Variants in R3HDM1 observed in about 807,000 individuals in gnomAD.
R3HDM1 encodes the protein R3H domain-containing protein 1.
R3HDM1 carries 46 observed loss-of-function variants against 141.1 expected under a neutral mutation model. The observed-to-expected ratio is 0.33, with a 90% CI of 0.26 to 0.42. The LOEUF is 0.42. Among genes scored for constraint, R3HDM1 ranks in the 10% least tolerant of loss-of-function variants. The pLI, the probability that R3HDM1 is intolerant of heterozygous loss-of-function variation, is 1.00. For missense variants in R3HDM1, 1,184 were observed against 1,368.3 expected, an observed-to-expected ratio of 0.87 and a Z score of 2.12; for synonymous variants, 435 against 472.9, an observed-to-expected ratio of 0.92 and a Z score of 1.04.
chr2:135,659,221 C>T (rs998153247), intron 18 of R3HDM1, among the ~76,000 whole-genome samples: 1 of 152,046 alleles, frequency 6.6e-6, no homozygotes, highest in East Asian at 1.9e-4. Flanking sequence ...CCTCAGCCCC[C>T]CAAGTAGCTG....
At chr2:135,709,135 G>A (rs13017421) in intron 21 of R3HDM1, among the ~76,000 whole-genome samples, 6 of 151,600 alleles carry the variant, frequency 4.0e-5, no homozygotes, top group African/African-American at 7.3e-5. Context: ...GTGCAGTGGC[G>A]CAATCTCGGC....
At chr2:135,703,152 T>C (rs779261761) in intron 21 of R3HDM1, among the ~76,000 whole-genome samples, 3 of 152,226 alleles carry the variant, frequency 2.0e-5, no homozygotes, top group Non-Finnish European at 4.4e-5. Flanking sequence ...AAATATATAA[T>C]GTAGACTCTT....
At chr2:135,574,062 T>A (rs1295350235) in intron 1 of R3HDM1, among the ~76,000 whole-genome samples, 1 of 151,952 alleles carries the variant, frequency 6.6e-6, no homozygotes, top group Non-Finnish European at 1.5e-5. Flanking sequence ...AAACAAGACC[T>A]AACAAATCTG....
At position 135,651,175 on chromosome 2, in the gene R3HDM1, T is replaced by C. The variant is rs1219015316; in HGVS notation, c.1726-555T>C. ...AAACACAAGGGAAGAATGGAATGTA[T>C]GGCCAAATTATTTTTGAAAGATTAG... On this transcript the variant is annotated intron_variant, in intron 17 of 26. Coordinates refer to ENST00000683871, the MANE Select transcript of R3HDM1 (RefSeq NM_001378107.1). The C allele has an allele frequency of 6.1e-6, 6 of 985,154 alleles. No homozygotes were observed. The African/African-American group carries it at 1.0e-4, about 17-fold the overall frequency. The allele number at this position is 985,154 out of a possible 1,614,324, so 61.0% of individuals were successfully genotyped here.
At chr2:135,583,372 T>G (rs1393917979) in intron 1 of R3HDM1, among the ~76,000 whole-genome samples, 1 of 152,226 alleles carries the variant, frequency 6.6e-6, no homozygotes, top group African/African-American at 2.4e-5. Context: ...TTTTTTTCCC[T>G]GTTGCATTAT....
intron 21 of R3HDM1, among the ~76,000 whole-genome samples, chr2:135,680,720 A>T (rs2070141085): frequency 6.6e-6 from 1 of 152,236 alleles, no homozygotes; most frequent in African/African-American, 2.4e-5. Context: ...TAGTGAACCA[A>T]GATTGCGCCG....
chr2:135,597,066 T>G lies in R3HDM1; in HGVS notation c.-249-5434T>G, dbSNP rs185415195. The G allele has an allele frequency of 8.5e-5, 84 of 982,704 alleles. No homozygotes were observed. The African/African-American group carries it at 1.4e-3, about 17-fold the overall frequency. The allele number at this position is 982,704 out of a possible 1,614,324, so 60.9% of individuals were successfully genotyped here. ...CAGCACATTCGTGTAACACCTTGCC[T>G]CTCCATATAACTTTTTCCCTAAAAG... On this transcript the variant is annotated intron_variant, in intron 1 of 26. Coordinates refer to ENST00000683871, the MANE Select transcript of R3HDM1 (RefSeq NM_001378107.1).
At chr2:135,622,008 A>G (rs2061553808) in intron 6 of R3HDM1, 3 of 984,002 alleles carry the variant, frequency 3.0e-6, no homozygotes, top group Admixed American at 6.2e-5. Flanking sequence ...TTTATTTTTT[A>G]TAAGTTTGGA....
intron 16 of R3HDM1, among the ~76,000 whole-genome samples, chr2:135,647,333 A>G (rs1380394617): frequency 6.6e-6 from 1 of 152,206 alleles, no homozygotes; most frequent in East Asian, 1.9e-4. Flanking sequence ...CATGTATTTT[A>G]CCAGGAGCTT....
chr2:135,663,987 T>C (rs1311256486), intron 19 of R3HDM1, among the ~76,000 whole-genome samples: 1 of 141,812 alleles, frequency 7.1e-6, no homozygotes, highest in East Asian at 2.1e-4. Flanking sequence ...TGAGCTGAGA[T>C]GGCGCCACTG....
intron 1 of R3HDM1, among the ~76,000 whole-genome samples, chr2:135,546,669 GT>G (rs200729698): frequency 0.028 from 4,186 of 152,170 alleles, 85 homozygotes; most frequent in South Asian, 0.044. Flanking sequence ...TGTGATTTTA[GT>G]TTTTGTCTTA....
intron 5 of R3HDM1, among the ~76,000 whole-genome samples, chr2:135,617,754 G>A (rs1057180141): frequency 7.2e-5 from 11 of 152,042 alleles, no homozygotes; most frequent in Admixed American, 2.0e-4. Flanking sequence ...ACTTTGCCTA[G>A]TGGCTAGTTG....
intron 21 of R3HDM1, among the ~76,000 whole-genome samples, chr2:135,681,988 GT>G (rs1330133224): frequency 6.6e-6 from 1 of 150,906 alleles, no homozygotes; most frequent in Non-Finnish European, 1.5e-5. Context: ...TTTCGCATTT[GT>G]TGTGTGAGTT....
chr2:135,628,686 G>A (rs538928590), intron 7 of R3HDM1, among the ~76,000 whole-genome samples: 1 of 152,236 alleles, frequency 6.6e-6, no homozygotes, highest in East Asian at 1.9e-4. Flanking sequence ...GAGTGCAATG[G>A]CACAATCTCG....
At chr2:135,549,570 A>AAAC (rs893353358) in intron 1 of R3HDM1, among the ~76,000 whole-genome samples, 2 of 151,064 alleles carry the variant, frequency 1.3e-5, no homozygotes, top group African/African-American at 4.9e-5. Context: ...TCAAAAAAAA[A>AAAC]AAAAAAAAAA....
chr2:135,679,822 G>A (rs2069916430), intron 20 of R3HDM1, among the ~76,000 whole-genome samples: 1 of 152,160 alleles, frequency 6.6e-6, no homozygotes. Context: ...GCTCACTCCT[G>A]TAATCCCAGC....
chr2:135,722,620 C>T, intron 26 of R3HDM1, 67 bp downstream of exon 26: 2 of 1,440,776 alleles, frequency 1.4e-6, no homozygotes, highest in Non-Finnish European at 1.9e-6. Flanking sequence ...TACACCACAG[C>T]ACAGAAATGG....
chr2:135,572,203 C>T (rs1266725846), intron 1 of R3HDM1, among the ~76,000 whole-genome samples: 1 of 152,192 alleles, frequency 6.6e-6, no homozygotes, highest in African/African-American at 2.4e-5. Flanking sequence ...AGTGACCCAA[C>T]CTTGGCCTCC....
chr2:135,709,524 C>T lies in R3HDM1; in HGVS notation c.2551C>T (p.His851Tyr). ...SPCSSQQLQGHQCTAGPPPPP... is the reference protein window; with the variant it reads ...SPCSSQQLQGYQCTAGPPPPP... Reference sequence around the variant, plus strand: ...ATGCAGTTCCCAGCAGCTTCAAGGCCACCAATGTACAGGTATAAAGAAATC... The same window carrying T: ...ATGCAGTTCCCAGCAGCTTCAAGGCTACCAATGTACAGGTATAAAGAAATC... The change falls in exon 22 of 27, where the codon CAC (histidine) becomes TAC (tyrosine). Residue 851 changes from histidine to tyrosine, a missense_variant. His to Tyr is a moderately conservative substitution (Grantham distance 83). Transcript: ENST00000683871. The T allele has an allele frequency of 6.2e-7, 1 of 1,614,068 alleles. No individual in the cohort carries two copies. Among genetic ancestry groups the T allele is most frequent in the South Asian group, 1.1e-5 (1 of 91,074 alleles).
Sources: gnomAD v4.1 joint callset for allele counts (sites outside exome capture counted in the v4.1 genomes callset) on GRCh38, gnomAD v4.1.1 for gene constraint, MANE v1.5 for transcripts, NCBI Gene and HGNC (gene_info 2026-07-23, HGNC 2026-07-21) for gene names.